ZBTB7C: variants seen among roughly 807,000 people sequenced by gnomAD.
ZBTB7C encodes zinc finger and BTB domain-containing protein 7C.
In ZBTB7C, 8 loss-of-function variants were observed where a neutral mutation model predicts 25.7. That is an observed-to-expected ratio of 0.31 (90% CI 0.18 to 0.56). The LOEUF (loss-of-function observed/expected upper bound fraction) is 0.56. Among genes scored for constraint, ZBTB7C ranks in the 20% least tolerant of loss-of-function variants. The pLI, the probability that ZBTB7C is intolerant of heterozygous loss-of-function variation, is 0.91. For missense variants in ZBTB7C, 824 were observed against 855.2 expected, an observed-to-expected ratio of 0.96 and a Z score of 0.46; for synonymous variants, 394 against 369.0, an observed-to-expected ratio of 1.07 and a Z score of -0.78.
intron 2 of ZBTB7C, among the ~76,000 whole-genome samples, chr18:48,327,666 G>A (rs1368772321): frequency 1.3e-5 from 2 of 152,134 alleles, no homozygotes; most frequent in Non-Finnish European, 2.9e-5. Flanking sequence ...GGAGATGAGA[G>A]AGGGCAGGGC....
chr18:48,347,137 T>TG (rs2046754440), intron 1 of ZBTB7C, among the ~76,000 whole-genome samples: 1 of 144,890 alleles, frequency 6.9e-6, no homozygotes, highest in Admixed American at 6.8e-5. Context: ...TTTTTTTTTT[T>TG]TTTTTTTTTT....
intron 3 of ZBTB7C, among the ~76,000 whole-genome samples, chr18:48,156,268 C>T (rs886836770): frequency 1.1e-4 from 16 of 152,150 alleles, no homozygotes; most frequent in Non-Finnish European, 1.3e-4. Context: ...CACGGCATGG[C>T]GATAGACTTA....
chr18:48,117,120 C>A (rs1459865918), intron 3 of ZBTB7C, among the ~76,000 whole-genome samples: 1 of 152,162 alleles, frequency 6.6e-6, no homozygotes, highest in Non-Finnish European at 1.5e-5. Context: ...ACCCAACAAC[C>A]AAAGAAACCA....
intron 2 of ZBTB7C, among the ~76,000 whole-genome samples, chr18:48,234,837 T>C (rs1004912753): frequency 6.6e-6 from 1 of 152,216 alleles, no homozygotes; most frequent in African/African-American, 2.4e-5. Flanking sequence ...TTTTTCCCTG[T>C]AGCTCTGTAT....
At chr18:48,131,151 G>A (rs977693355) in intron 3 of ZBTB7C, among the ~76,000 whole-genome samples, 7 of 152,312 alleles carry the variant, frequency 4.6e-5, no homozygotes, top group South Asian at 4.1e-4. Context: ...TGATCCGCCC[G>A]CCTCCGCGTC....
intron 1 of ZBTB7C, among the ~76,000 whole-genome samples, chr18:48,340,974 C>T (rs569347967): frequency 3.9e-5 from 6 of 152,282 alleles, no homozygotes; most frequent in Admixed American, 1.3e-4. Context: ...TCTGAGCCTG[C>T]GGTTCCTTTC....
chr18:48,401,880 T>C (rs1031547032), intron 1 of ZBTB7C, among the ~76,000 whole-genome samples: 9 of 152,098 alleles, frequency 5.9e-5, no homozygotes, highest in Non-Finnish European at 7.3e-5. Context: ...ATCAAAATTC[T>C]TAAGTCAGAG....
chr18:48,215,613 G>A (rs1185118319), intron 2 of ZBTB7C, among the ~76,000 whole-genome samples: 2 of 152,196 alleles, frequency 1.3e-5, no homozygotes, highest in Non-Finnish European at 2.9e-5. Flanking sequence ...GTTAAGGTAA[G>A]GGGCTGTCAA....
intron 3 of ZBTB7C, among the ~76,000 whole-genome samples, chr18:48,119,058 G>A (rs1412392127): frequency 2.6e-5 from 4 of 151,670 alleles, no homozygotes; most frequent in African/African-American, 9.7e-5. Context: ...TCACCTGCAC[G>A]GCTTGTTAAA....
chr18:48,355,317 AC>A (rs1397697431), intron 1 of ZBTB7C, among the ~76,000 whole-genome samples: 1 of 152,236 alleles, frequency 6.6e-6, no homozygotes, highest in Non-Finnish European at 1.5e-5. Context: ...TGTCACACGG[AC>A]CAGCCATGAG....
At chr18:48,296,576 C>G (rs1375256146) in intron 2 of ZBTB7C, among the ~76,000 whole-genome samples, 1 of 152,160 alleles carries the variant, frequency 6.6e-6, no homozygotes, top group South Asian at 2.1e-4. Context: ...TCCCAAAAAC[C>G]TTCAAGGCCA....
chr18:48,294,530 T>A (rs944203776), intron 2 of ZBTB7C, among the ~76,000 whole-genome samples: 3 of 152,180 alleles, frequency 2.0e-5, no homozygotes, highest in Non-Finnish European at 4.4e-5. Flanking sequence ...CCTACAATGC[T>A]GGGTGCAGCC....
chr18:48,211,716 A>G (rs1378732854), intron 2 of ZBTB7C, among the ~76,000 whole-genome samples: 1 of 152,216 alleles, frequency 6.6e-6, no homozygotes, highest in Non-Finnish European at 1.5e-5. Flanking sequence ...GTGGAGCAAC[A>G]GGAACTCTCA....
chr18:48,349,769 T>C (rs1044387531), intron 1 of ZBTB7C, among the ~76,000 whole-genome samples: 1 of 152,092 alleles, frequency 6.6e-6, no homozygotes, highest in Non-Finnish European at 1.5e-5. Flanking sequence ...AAATTCCACA[T>C]TTAACAGAGG....
intron 2 of ZBTB7C, among the ~76,000 whole-genome samples, chr18:48,208,870 C>T (rs1326662642): frequency 6.6e-6 from 1 of 152,190 alleles, no homozygotes; most frequent in Non-Finnish European, 1.5e-5. Flanking sequence ...TATTCTCCCA[C>T]CCTACCCCAG....
chr18:48,280,684 T>C lies in ZBTB7C; in HGVS notation c.-79+57490A>G, dbSNP rs1038043042. Among the ~76,000 whole-genome samples the C allele has an allele frequency of 2.0e-5, 3 of 152,014 alleles. No individual in the cohort carries two copies. In the East Asian group the frequency reaches 5.8e-4, roughly 29 times the overall value. ...ACAAGGGTCTATATATTCTCATGGTTACACACCTACGGAGCCAGAGTCCCC... is the reference window on the plus strand; with the variant it reads ...ACAAGGGTCTATATATTCTCATGGTCACACACCTACGGAGCCAGAGTCCCC... On this transcript the variant is annotated intron_variant, in intron 2 of 4. Transcript: ENST00000590800.
In ZBTB7C at chr18:48,248,627, C is replaced by T. The variant is rs1047963917; in HGVS notation, c.-78-62632G>A. On this transcript the variant is annotated intron_variant, in intron 2 of 4. Coordinates refer to ENST00000590800, the MANE Select transcript of ZBTB7C (RefSeq NM_001318841.2). ...TGTTTTTGCTTATTGTCTCTCTTCT[C>T]GCTAAAATGTAATCTCCAAGAAGAT... is the stretch of plus-strand genomic sequence containing the variant. 8.6e-4 allele frequency among the ~76,000 whole-genome samples: 131 copies of T among 152,062 alleles called. 1 individual carries two copies. The highest frequency in any genetic ancestry group is 3.1e-3 in the African/African-American group (128 of 41,384).
rs147862793 is a variant in ZBTB7C, at chr18:48,165,758, A to G, written c.-17+20176T>C. ...CTTAATAGGAATGGGGAACTTGAAC[A>G]TCGTAACCACAACAGCCCCTCTTTG... On this transcript the variant is annotated intron_variant, in intron 3 of 4. Coordinates refer to ENST00000590800, the MANE Select transcript of ZBTB7C (RefSeq NM_001318841.2). 5.7e-3 allele frequency among the ~76,000 whole-genome samples: 861 copies of G among 152,310 alleles called. 4 individuals are homozygous for G. The highest frequency in any genetic ancestry group is 9.5e-3 in the Non-Finnish European group (645 of 68,018).
intron 3 of ZBTB7C, among the ~76,000 whole-genome samples, chr18:48,163,824 T>C (rs1194924329): frequency 6.6e-6 from 1 of 152,198 alleles, no homozygotes; most frequent in Non-Finnish European, 1.5e-5. Flanking sequence ...ATGCCTTAGC[T>C]TCACTACCAG....
Sources: gnomAD v4.1 joint callset for allele counts (sites outside exome capture counted in the v4.1 genomes callset) on GRCh38, gnomAD v4.1.1 for gene constraint, MANE v1.5 for transcripts, NCBI Gene and HGNC (gene_info 2026-07-23, HGNC 2026-07-21) for gene names.